Variants in EEF1E1 observed in about 807,000 individuals in gnomAD.
EEF1E1 encodes the protein eukaryotic translation elongation factor 1 epsilon-1.
A neutral mutation model predicts 19.9 loss-of-function variants in EEF1E1; 19 were observed. That is an observed-to-expected ratio of 0.95 (90% CI 0.66 to 1.40). The LOEUF (loss-of-function observed/expected upper bound fraction) is 1.40. Ranked by LOEUF, EEF1E1 falls within the 40% of genes most tolerant of loss-of-function variation. The pLI, the probability that EEF1E1 is intolerant of heterozygous loss-of-function variation, is 0.00. For missense variants in EEF1E1, 198 were observed against 202.2 expected (o/e 0.98, Z 0.13); for synonymous variants, 81 against 80.0 (o/e 1.01, Z -0.07).
At position 8,092,461 on chromosome 6, in the gene EEF1E1, G is replaced by A. The variant is rs1318771099; in HGVS notation, c.289-2180C>T. Among the ~76,000 whole-genome samples the A allele has an allele frequency of 3.3e-5, 5 of 152,168 alleles. No homozygotes were observed. The East Asian group carries it at 9.6e-4, about 29-fold the overall frequency. On this transcript the variant is annotated intron_variant, in intron 2 of 3. Coordinates refer to ENST00000379715, the MANE Select transcript of EEF1E1 (RefSeq NM_004280.5). ...AAAGAGTAAACACATTTTCTCTGAC[G>A]ATTTTCATTTAAAGACAGTCAGTCA...
intron 3 of EEF1E1, among the ~76,000 whole-genome samples, chr6:8,080,349 G>A (rs1468116375): frequency 6.6e-6 from 1 of 152,178 alleles, no homozygotes; most frequent in Non-Finnish European, 1.5e-5. Context: ...CATTGGAAAG[G>A]AAGATAGATT....
Position 8,090,252 on chromosome 6 carries a change from G to T in EEF1E1, c.318C>A (p.Val106=), listed in dbSNP as rs762454732. The T allele has an allele frequency of 6.7e-7, 1 of 1,489,902 alleles. No homozygotes were observed. Among genetic ancestry groups the T allele is most frequent in the Non-Finnish European group, 8.9e-7 (1 of 1,128,476 alleles). The allele number at this position is 1,489,902 out of a possible 1,614,324, so 92.3% of individuals were successfully genotyped here. ...KDLNSYLEDK[V]YLTGYNFTLA... The stretch of plus-strand genomic sequence containing the variant: ...ATGTAAAGTTATACCCTGTAAGGTA[G>T]ACTTTATCTTCAAGATATGAATTAA... Residue 106 remains valine, a synonymous_variant, in exon 3 of 4, where the codon GTC becomes GTA. Coordinates refer to ENST00000379715, the MANE Select transcript of EEF1E1 (RefSeq NM_004280.5).
chr6:8,091,462 A>G (rs1241147063), intron 2 of EEF1E1, among the ~76,000 whole-genome samples: 1 of 152,178 alleles, frequency 6.6e-6, no homozygotes. Flanking sequence ...ATGATTTACA[A>G]ATATTTTCTC....
Position 8,097,347 on chromosome 6 carries a change from T to C in EEF1E1, c.208A>G (p.Ile70Val), listed in dbSNP as rs1758203095. 6 of 1,614,190 alleles carry C rather than the reference T, an allele frequency of 3.7e-6. No individual in the cohort carries two copies. The highest frequency in any genetic ancestry group is 5.1e-6 in the Non-Finnish European group (6 of 1,180,022). Residue 70 changes from isoleucine (I) to valine (V), a missense_variant, in exon 2 of 4, where the codon ATC becomes GTC. Ile to Val is a conservative substitution (Grantham distance 29). Transcript: ENST00000379715. ...CTGTATTCTAACCACTGCTGAACGA[T>C]TGCTTTTTCTTCTGCAGTACTCCCC... ...LLGSTAEEKAIVQQWLEYRVT... is the reference protein window; with the variant it reads ...LLGSTAEEKAVVQQWLEYRVT...
intron 1 of EEF1E1, among the ~76,000 whole-genome samples, chr6:8,101,243 AATATATATATATATAT>A (rs1216617377): frequency 3.4e-5 from 2 of 58,470 alleles, no homozygotes; most frequent in African/African-American, 1.6e-4. Flanking sequence ...AAAAAAAAAA[AATATATATATATATAT>A]ATATATATAT....
At chr6:8,075,873 G>A (rs1004771887), downstream of EEF1E1, among the ~76,000 whole-genome samples, 1 of 152,222 alleles carries the variant, frequency 6.6e-6, no homozygotes, top group Non-Finnish European at 1.5e-5. Context: ...CTAAGCTTAT[G>A]TAATAGTCTA....
intron 2 of EEF1E1, among the ~76,000 whole-genome samples, chr6:8,095,663 ACAT>A (rs967419669): frequency 8.5e-5 from 13 of 152,140 alleles, no homozygotes; most frequent in Non-Finnish European, 1.5e-5. Flanking sequence ...TGATGGCCAA[ACAT>A]AAGCATTAAT....
At chr6:8,078,688 T>C (rs142779417), downstream of EEF1E1, 46 of 1,286,194 alleles carry the variant, frequency 3.6e-5, no homozygotes, top group East Asian at 2.3e-3. Context: ...GAGACAAACA[T>C]GGGGGCCTGT....
At position 8,099,791 on chromosome 6, in the gene EEF1E1, C is replaced by CACACACACAA. The variant is rs768224090; in HGVS notation, c.88-2325_88-2324insTTGTGTGTGT. On this transcript the variant is annotated intron_variant, in intron 1 of 3. Transcript: ENST00000379715. ...ACACACACACACACACACACACACA[C>CACACACACAA]AAAAAAAAAACAGAACCCTCTATAA... Among the ~76,000 whole-genome samples the CACACACACAA allele has an allele frequency of 1.0e-3, 116 of 114,660 alleles. 1 individual carries two copies. The highest frequency in any genetic ancestry group is 3.2e-3 in the African/African-American group (97 of 30,120). The allele number at this position is 114,660 out of a possible 152,430, so 75.2% of individuals were successfully genotyped here.
chr6:8,089,501 G>A (rs1413378657), intron 3 of EEF1E1, among the ~76,000 whole-genome samples: 7 of 152,160 alleles, frequency 4.6e-5, no homozygotes, highest in African/African-American at 1.7e-4. Flanking sequence ...CATCCAGCAC[G>A]GGAGAAAGAC....
chr6:8,090,283 T>C lies in EEF1E1; in HGVS notation c.289-2A>G. On this transcript the variant is annotated splice_acceptor_variant, in intron 2 of 3. Transcript: ENST00000379715. LOFTEE classifies it high-confidence loss of function. ...ATCTTCAAGATATGAATTAAGATCCTAGAAAAAAGAAAAAACAAATAAATA... is the reference window on the plus strand; with the variant it reads ...ATCTTCAAGATATGAATTAAGATCCCAGAAAAAAGAAAAAACAAATAAATA... 4 of 1,467,048 alleles carry C rather than the reference T, an allele frequency of 2.7e-6. No individual in the cohort carries two copies. Among genetic ancestry groups the C allele is most frequent in the Non-Finnish European group, 3.6e-6 (4 of 1,113,340 alleles). The allele number at this position is 1,467,048 out of a possible 1,614,324, so 90.9% of individuals were successfully genotyped here.
At chr6:8,090,446 G>A (rs577196101) in intron 2 of EEF1E1, among the ~76,000 whole-genome samples, 165 bp from the exon 3 acceptor site, 7 of 151,750 alleles carry the variant, frequency 4.6e-5, no homozygotes, top group East Asian at 1.9e-4. Context: ...CAAATAATAC[G>A]CCAGTCACCT....
In EEF1E1 at chr6:8,079,777, A is replaced by G. The variant is rs921882328; in HGVS notation, c.*113T>C. 8.8e-6 allele frequency: 12 copies of G among 1,361,572 alleles called. No individual in the cohort carries two copies. Among genetic ancestry groups the G allele is most frequent in the Non-Finnish European group, 1.1e-5 (12 of 1,051,878 alleles). The allele number at this position is 1,361,572 out of a possible 1,614,324, so 84.3% of individuals were successfully genotyped here. On this transcript the variant is annotated 3_prime_UTR_variant, in exon 4 of 4. Coordinates refer to ENST00000379715, the MANE Select transcript of EEF1E1 (RefSeq NM_004280.5). ...AAGTTTACACTTCAAAAATTCTATCAACTTCAACAAATAATGAATGACTGT... is the reference window on the plus strand; with the variant it reads ...AAGTTTACACTTCAAAAATTCTATCGACTTCAACAAATAATGAATGACTGT...
At chr6:8,073,472 G>C in exon 4 of EEF1E1, 1 of 1,551,324 alleles carries the variant, frequency 6.4e-7, no homozygotes, top group South Asian at 1.2e-5. Flanking sequence ...GTATGATGTT[G>C]GGTTAGTTCC....
rs557543098 is a variant in EEF1E1 at position 8,088,883 on chromosome 6, A to G, written c.384+1303T>C. Among the ~76,000 whole-genome samples the G allele has an allele frequency of 7.9e-5, 12 of 152,238 alleles. No individual in the cohort carries two copies. In the South Asian group the frequency reaches 2.5e-3, roughly 32 times the overall value. On this transcript the variant is annotated intron_variant, in intron 3 of 3. Transcript: ENST00000379715. ...GGCTCGGTGATAAGGACTAAAGATA[A>G]AGGAGGAGGGAGAAGGAAGGGGCTT...
intron 3 of EEF1E1, among the ~76,000 whole-genome samples, chr6:8,085,730 T>C (rs973947574): frequency 6.6e-6 from 1 of 152,200 alleles, no homozygotes; most frequent in Non-Finnish European, 1.5e-5. Context: ...ATCATAAGCT[T>C]TCCAAAACAA....
In EEF1E1 at chr6:8,090,283, T is replaced by A; in HGVS notation, c.289-2A>T. On this transcript the variant is annotated splice_acceptor_variant, in intron 2 of 3. Transcript: ENST00000379715. LOFTEE classifies it high-confidence loss of function. ...ATCTTCAAGATATGAATTAAGATCC[T>A]AGAAAAAAGAAAAAACAAATAAATA... The A allele has an allele frequency of 6.8e-7, 1 of 1,467,048 alleles. No individual in the cohort carries two copies. Among genetic ancestry groups the A allele is most frequent in the Non-Finnish European group, 9.0e-7 (1 of 1,113,340 alleles). The allele number at this position is 1,467,048 out of a possible 1,614,324, so 90.9% of individuals were successfully genotyped here.
chr6:8,079,855 T>G lies in EEF1E1; in HGVS notation c.*35A>C, dbSNP rs752018094. ...TAGAGTACATTTTCCATTTAAAACA[T>G]TTTTAATAGATCTTCTGTATGGCAT... On this transcript the variant is annotated 3_prime_UTR_variant, in exon 4 of 4. Transcript: ENST00000379715. The G allele has an allele frequency of 2.6e-5, 41 of 1,593,720 alleles. No homozygotes were observed. In the East Asian group the frequency reaches 8.5e-4, roughly 33 times the overall value.
Position 8,079,794 on chromosome 6 carries a change from A to C in EEF1E1, c.*96T>G, listed in dbSNP as rs757244301. 1.0e-5 allele frequency: 14 copies of C among 1,397,750 alleles called. No homozygotes were observed. Among genetic ancestry groups the C allele is most frequent in the Non-Finnish European group, 1.3e-5 (14 of 1,069,372 alleles). 86.6% of individuals were successfully genotyped at this position (1,397,750 alleles called of 1,614,324 possible). A position where few individuals can be genotyped will look rare whatever the true frequency, so the allele number is the denominator to read the frequency against. On this transcript the variant is annotated 3_prime_UTR_variant, in exon 4 of 4. Coordinates refer to ENST00000379715, the MANE Select transcript of EEF1E1 (RefSeq NM_004280.5). ...ATTCTATCAACTTCAACAAATAATG[A>C]ATGACTGTATATTAATTTACATTAG...
Sources: allele counts gnomAD v4.1 joint callset (sites outside exome capture counted in the v4.1 genomes callset), GRCh38; gene constraint gnomAD v4.1.1; transcripts MANE v1.5; gene names NCBI Gene and HGNC (gene_info 2026-07-23, HGNC 2026-07-21).